Variants in MAP4K3 observed in about 807,000 individuals in gnomAD.
MAP4K3 encodes the protein MAPK/ERK kinase kinase kinase 3.
Under a neutral mutation model 143.5 loss-of-function variants are expected in MAP4K3, and 94 were observed. The observed-to-expected ratio is 0.65, with a 90% confidence interval of 0.55 to 0.78. MAP4K3 has a LOEUF of 0.78. Ranked by LOEUF, MAP4K3 falls within the 30% of genes least tolerant of loss-of-function variation. The pLI is 0.00. For synonymous variants in MAP4K3, 416 were observed against 347.2 expected (o/e 1.20, Z -2.20); for missense variants, 1,077 against 1,068.1 (o/e 1.01, Z -0.12).
intron 1 of MAP4K3, among the ~76,000 whole-genome samples, chr2:39,432,961 C>T (rs1665340205): frequency 6.6e-6 from 1 of 152,186 alleles, no homozygotes; most frequent in South Asian, 2.1e-4. Context: ...CTACAAAACA[C>T]TAGTACTAAG....
chr2:39,348,995 T>C (rs1237690265), intron 3 of MAP4K3, among the ~76,000 whole-genome samples: 1 of 152,202 alleles, frequency 6.6e-6, no homozygotes, highest in East Asian at 1.9e-4. Context: ...CCAAGACTAC[T>C]GAGGATCAGC....
chr2:39,434,477 A>C (rs542396794), intron 1 of MAP4K3, among the ~76,000 whole-genome samples: 1 of 152,338 alleles, frequency 6.6e-6, no homozygotes, highest in East Asian at 1.9e-4. Flanking sequence ...GGCAGACTAC[A>C]TAAACAGTGA....
intron 1 of MAP4K3, among the ~76,000 whole-genome samples, chr2:39,432,810 A>T (rs988680774): frequency 3.3e-5 from 5 of 152,190 alleles, no homozygotes; most frequent in African/African-American, 9.7e-5. Flanking sequence ...GCTTTCACAG[A>T]CACTTTAAAT....
chr2:39,304,266 T>C (rs1240179691), intron 15 of MAP4K3, among the ~76,000 whole-genome samples: 22 of 151,446 alleles, frequency 1.5e-4, no homozygotes, highest in Non-Finnish European at 1.0e-4. Flanking sequence ...CAACCAGAAA[T>C]CACAGGTAAT....
chr2:39,279,190 A>G (rs1007819638), intron 23 of MAP4K3, among the ~76,000 whole-genome samples: 2 of 152,204 alleles, frequency 1.3e-5, no homozygotes, highest in Non-Finnish European at 2.9e-5. Context: ...CAGGTCAAGA[A>G]CTTTTCTAGA....
At chr2:39,399,783 C>T (rs1407340139) in intron 1 of MAP4K3, among the ~76,000 whole-genome samples, 1 of 152,150 alleles carries the variant, frequency 6.6e-6, no homozygotes, top group Non-Finnish European at 1.5e-5. Context: ...TTAAGGGCTC[C>T]TGTTACAAGC....
At chr2:39,433,245 A>C (rs1437880415) in intron 1 of MAP4K3, among the ~76,000 whole-genome samples, 1 of 152,218 alleles carries the variant, frequency 6.6e-6, no homozygotes, top group Non-Finnish European at 1.5e-5. Context: ...TCTTGGATAC[A>C]CAGGCTAGGA....
At chr2:39,346,763 A>G (rs1665304591) in intron 3 of MAP4K3, among the ~76,000 whole-genome samples, 1 of 152,208 alleles carries the variant, frequency 6.6e-6, no homozygotes, top group African/African-American at 2.4e-5. Flanking sequence ...AGCTTAAGTA[A>G]TATTACAAAT....
At chr2:39,295,843 C>T (rs1026741451) in intron 16 of MAP4K3, among the ~76,000 whole-genome samples, 1 of 151,532 alleles carries the variant, frequency 6.6e-6, no homozygotes, top group African/African-American at 2.4e-5. Flanking sequence ...CTCAGCCTCC[C>T]GAGTAGCTAG....
chr2:39,388,938 T>C (rs1666580675), intron 1 of MAP4K3, among the ~76,000 whole-genome samples: 1 of 151,916 alleles, frequency 6.6e-6, no homozygotes, highest in African/African-American at 2.4e-5. Flanking sequence ...TTATCAAGCA[T>C]AAAAGGAAAC....
chr2:39,341,654 T>TAAAAAAA (rs1488362937), intron 4 of MAP4K3, among the ~76,000 whole-genome samples: 32 of 141,600 alleles, frequency 2.3e-4, no homozygotes, highest in Admixed American at 2.0e-3. Flanking sequence ...AGACTCCGTT[T>TAAAAAAA]AAAAAAAAAA....
At chr2:39,384,697 G>A (rs574363511) in intron 1 of MAP4K3, among the ~76,000 whole-genome samples, 1 of 152,316 alleles carries the variant, frequency 6.6e-6, no homozygotes, top group Non-Finnish European at 1.5e-5. Context: ...CAGTGCAAGT[G>A]AAAAACTGAA....
chr2:39,258,636 A>C, intron 29 of MAP4K3, 49 bp from the exon 30 acceptor site: 1 of 1,234,968 alleles, frequency 8.1e-7, no homozygotes, highest in Non-Finnish European at 1.2e-6. Flanking sequence ...GTGATACTTA[A>C]AGCATGGAAA....
rs1680081995 is a variant in MAP4K3 at position 39,249,854 on chromosome 2, CA to C, written c.*763del. On this transcript the variant is annotated 3_prime_UTR_variant, in exon 34 of 34. Transcript: ENST00000263881. ...CAAAGGTATTGTTTTTAAGCAAAGA[CA>C]AGCAATCTTACAGGATTCTGCTTAA... is the stretch of plus-strand genomic sequence containing the variant. 2.0e-5 allele frequency: 3 copies of C among 152,488 alleles called. No individual in the cohort carries two copies. In the South Asian group the frequency reaches 6.2e-4, roughly 32 times the overall value. The allele number at this position is 152,488 out of a possible 1,614,324, so 9.4% of individuals were successfully genotyped here. A position where few individuals can be genotyped will look rare whatever the true frequency, so the allele number is the denominator to read the frequency against.
At chr2:39,338,779 A>G (rs561971191) in intron 4 of MAP4K3, among the ~76,000 whole-genome samples, 35 of 152,312 alleles carry the variant, frequency 2.3e-4, no homozygotes, top group Middle Eastern at 3.4e-3. Flanking sequence ...AGAGACTTCA[A>G]GCAGTGTCTA....
intron 15 of MAP4K3, among the ~76,000 whole-genome samples, chr2:39,301,368 A>G (rs1023901446): frequency 3.3e-5 from 5 of 152,238 alleles, no homozygotes; most frequent in Admixed American, 1.3e-4. Flanking sequence ...AGATAAAATC[A>G]TTGTTATTAC....
At chr2:39,305,253 A>C (rs530561382) in intron 15 of MAP4K3, among the ~76,000 whole-genome samples, 4 of 152,194 alleles carry the variant, frequency 2.6e-5, no homozygotes, top group South Asian at 2.1e-4. Flanking sequence ...AAAACAAAAC[A>C]TAACCATGGG....
chr2:39,306,362 G>A (rs1682707223), intron 15 of MAP4K3, among the ~76,000 whole-genome samples: 1 of 152,176 alleles, frequency 6.6e-6, no homozygotes, highest in South Asian at 2.1e-4. Context: ...GCCCCTATGG[G>A]TTAATTCCCA....
At chr2:39,363,303 T>A (rs1250023896) in intron 2 of MAP4K3, among the ~76,000 whole-genome samples, 3 of 151,982 alleles carry the variant, frequency 2.0e-5, no homozygotes, top group African/African-American at 7.3e-5. Flanking sequence ...AAACCATATA[T>A]CTGATGAGGG....
Sources: gnomAD v4.1 joint callset for allele counts (sites outside exome capture counted in the v4.1 genomes callset) on GRCh38, gnomAD v4.1.1 for gene constraint, MANE v1.5 for transcripts, NCBI Gene and HGNC (gene_info 2026-07-23, HGNC 2026-07-21) for gene names.